TRPM6: variants seen among roughly 807,000 people sequenced by gnomAD.
TRPM6 encodes transient receptor potential cation channel subfamily M member 6.
Under a neutral mutation model 247.6 loss-of-function variants are expected in TRPM6, and 111 were observed. That is an observed-to-expected ratio of 0.45 (90% CI 0.38 to 0.52). The LOEUF (loss-of-function observed/expected upper bound fraction) is 0.52, where lower values mean the gene tolerates loss of function less well. Ranked by LOEUF, TRPM6 falls within the 20% of genes least tolerant of loss-of-function variation. TRPM6 has a pLI of 0.00. For synonymous variants in TRPM6, 892 were observed against 853.8 expected (o/e 1.04, Z -0.78); for missense variants, 2,126 against 2,421.5 (o/e 0.88, Z 2.56).
chr9:74,852,479 C>CTCTCCGTCTCCGTCTCCATGG (rs1830362249), intron 3 of TRPM6, among the ~76,000 whole-genome samples: 1 of 134,846 alleles, frequency 7.4e-6, no homozygotes, highest in African/African-American at 2.6e-5. Flanking sequence ...CTCCCTCTCC[C>CTCTCCGTCTCCGTCTCCATGG]TCTCCGTCTC....
chr9:74,801,897 C>G lies in TRPM6; in HGVS notation c.2009+1G>C. On this transcript the variant is annotated splice_donor_variant, in intron 16 of 38. Coordinates refer to ENST00000360774, the MANE Select transcript of TRPM6 (RefSeq NM_017662.5). LOFTEE classifies it high-confidence loss of function. Reference sequence around the variant, plus strand: ...GTATGAAGTGAAGAGAGAACACTTACTTTGAGTAATTCTTCAACTCTTCTG... The same window carrying G: ...GTATGAAGTGAAGAGAGAACACTTAGTTTGAGTAATTCTTCAACTCTTCTG... The G allele has an allele frequency of 6.2e-7, 1 of 1,614,146 alleles. No individual in the cohort carries two copies. Among genetic ancestry groups the G allele is most frequent in the African/African-American group, 1.3e-5 (1 of 75,076 alleles).
intron 1 of TRPM6, among the ~76,000 whole-genome samples, chr9:74,886,228 C>T (rs912850531): frequency 2.0e-5 from 3 of 152,184 alleles, no homozygotes; most frequent in African/African-American, 7.2e-5. Flanking sequence ...CTCATGCTAA[C>T]TCCTACCCTA....
chr9:74,803,787 A>G lies in TRPM6; in HGVS notation c.1731+7T>C, dbSNP rs762137609. The G allele has an allele frequency of 1.6e-5, 26 of 1,593,666 alleles. No homozygotes were observed. In the East Asian group the frequency reaches 5.4e-4, roughly 33 times the overall value. ...TCCTTTCAAGTTGAAAAACAAGTAA[A>G]TGGTACCTTGAATTTGTATGGCTGT... is the stretch of plus-strand genomic sequence containing the variant. On this transcript the variant is annotated splice_region_variant and intron_variant, in intron 15 of 38. Coordinates refer to ENST00000360774, the MANE Select transcript of TRPM6 (RefSeq NM_017662.5).
At chr9:74,766,509 A>G (rs1164798114) in intron 25 of TRPM6, among the ~76,000 whole-genome samples, 2 of 152,220 alleles carry the variant, frequency 1.3e-5, no homozygotes, top group Non-Finnish European at 1.5e-5. Context: ...ATATTCACTG[A>G]GTGCTCACTA....
chr9:74,791,376 C>T (rs1827890783), intron 19 of TRPM6, among the ~76,000 whole-genome samples: 1 of 151,926 alleles, frequency 6.6e-6, no homozygotes, highest in Non-Finnish European at 1.5e-5. Flanking sequence ...AGTCACACTT[C>T]AAATGTTTTA....
chr9:74,800,384 C>T lies in TRPM6; in HGVS notation c.2108G>A (p.Ser703Asn). 1 of 1,614,048 alleles carries T rather than the reference C, an allele frequency of 6.2e-7. No individual in the cohort carries two copies. Among genetic ancestry groups the T allele is most frequent in the Non-Finnish European group, 8.5e-7 (1 of 1,180,016 alleles). Residue 703 changes from serine (S) to asparagine (N), a missense_variant, in exon 17 of 39, where the codon AGC (serine) becomes AAC (asparagine). Physicochemically the swap from Ser to Asn is conservative, Grantham distance 46. Around this residue, in one of 3 missense-constraint regions of TRPM6, gnomAD observed 1,082 missense variants for 1,307.9 expected, o/e 0.83. Coordinates refer to ENST00000360774, the MANE Select transcript of TRPM6 (RefSeq NM_017662.5). ...GGCCAGTTTAAGGCAGGTCGAATTG[C>T]TCCAGTTCCTGAGTTCATACGTCAA... Reference protein sequence around the residue: ...TLLTYELRNWSNSTCLKLAVS... With the variant: ...TLLTYELRNWNNSTCLKLAVS...
intron 19 of TRPM6, among the ~76,000 whole-genome samples, chr9:74,789,467 A>T (rs1827817050): frequency 6.6e-6 from 1 of 152,316 alleles, no homozygotes; most frequent in South Asian, 2.1e-4. Flanking sequence ...ATCTTACCTA[A>T]TATTCTTATC....
chr9:74,885,071 A>G (rs1037303281), intron 1 of TRPM6, among the ~76,000 whole-genome samples: 9 of 152,216 alleles, frequency 5.9e-5, no homozygotes, highest in Admixed American at 2.0e-4. Flanking sequence ...TCTTGAGGGA[A>G]GATTTAGACA....
intron 28 of TRPM6, 49 bp from the exon 29 acceptor site, chr9:74,752,417 A>G (rs1450703056): frequency 9.4e-7 from 1 of 1,060,754 alleles, no homozygotes; most frequent in Non-Finnish European, 1.4e-6. Flanking sequence ...AATGTGTTAC[A>G]TTCAAATCAC....
chr9:74,868,398 G>A (rs1051596209), intron 1 of TRPM6, among the ~76,000 whole-genome samples: 4 of 152,042 alleles, frequency 2.6e-5, no homozygotes, highest in Non-Finnish European at 5.9e-5. Context: ...GGGAGGCTGA[G>A]GCAGGAGAAT....
chr9:74,799,497 G>A (rs1188333118), intron 17 of TRPM6, among the ~76,000 whole-genome samples: 1 of 151,668 alleles, frequency 6.6e-6, no homozygotes, highest in Non-Finnish European at 1.5e-5. Context: ...ATGTATTGGA[G>A]GGCAGCCTTA....
At chr9:74,851,052 TTAAGTA>T (rs1364444351) in intron 3 of TRPM6, among the ~76,000 whole-genome samples, 1 of 152,256 alleles carries the variant, frequency 6.6e-6, no homozygotes, top group African/African-American at 2.4e-5. Context: ...AACGTTCAGC[TTAAGTA>T]TATTTCTATT....
At chr9:74,755,591 A>T in intron 27 of TRPM6, 118 bp from the exon 28 acceptor site, 1 of 1,294,588 alleles carries the variant, frequency 7.7e-7, no homozygotes, top group Non-Finnish European at 1.1e-6. Context: ...GCATATGACA[A>T]TTGCCTGGGA....
chr9:74,797,207 C>T (rs2118989264), intron 17 of TRPM6, among the ~76,000 whole-genome samples: 1 of 152,294 alleles, frequency 6.6e-6, no homozygotes, highest in Admixed American at 6.5e-5. Flanking sequence ...TAGTGGAATA[C>T]TGTGCAACCA....
intron 5 of TRPM6, among the ~76,000 whole-genome samples, chr9:74,836,191 A>G (rs139842535): frequency 6.6e-6 from 1 of 152,312 alleles, no homozygotes; most frequent in African/African-American, 2.4e-5. Context: ...TGCCTTTTCC[A>G]GAATGTCATA....
rs533477121 is a variant in TRPM6, at chr9:74,820,882, A to G, written c.1011-455T>C. 6.6e-5 allele frequency among the ~76,000 whole-genome samples: 10 copies of G among 152,326 alleles called. No individual in the cohort carries two copies. In the East Asian group the frequency reaches 1.9e-3, roughly 29 times the overall value. The stretch of plus-strand genomic sequence containing the variant: ...AGAAATTATAGGTATTATATTCTCT[A>G]AAGGATCTGAAACCCTAAAAGGTTT... On this transcript the variant is annotated intron_variant, in intron 8 of 38. Transcript: ENST00000360774.
At chr9:74,850,502 A>G (rs1042971054) in intron 3 of TRPM6, among the ~76,000 whole-genome samples, 4 of 150,722 alleles carry the variant, frequency 2.7e-5, no homozygotes, top group African/African-American at 9.8e-5. Context: ...GGTGGATCAC[A>G]TGAGGTCGGG....
intron 19 of TRPM6, among the ~76,000 whole-genome samples, chr9:74,789,370 T>C (rs893161689): frequency 2.6e-5 from 4 of 152,214 alleles, no homozygotes; most frequent in African/African-American, 7.2e-5. Context: ...ACTGTGTATA[T>C]ATATGTATGC....
At chr9:74,768,955 C>A in intron 25 of TRPM6, among the ~76,000 whole-genome samples, 1 of 152,208 alleles carries the variant, frequency 6.6e-6, no homozygotes, top group East Asian at 1.9e-4. Flanking sequence ...GTTCATCCCC[C>A]TTTCCTTAAG....
Sources: gnomAD v4.1 joint callset for allele counts (sites outside exome capture counted in the v4.1 genomes callset) on GRCh38, gnomAD v4.1.1 for gene constraint, gnomAD v4.1.1 regional missense constraint, MANE v1.5 for transcripts, NCBI Gene and HGNC (gene_info 2026-07-23, HGNC 2026-07-21) for gene names.